MEF2C: variants seen among roughly 807,000 people sequenced by gnomAD.
MEF2C encodes myocyte enhancer factor 2C.
A neutral mutation model predicts 50.5 loss-of-function variants in MEF2C; 6 were observed. The observed-to-expected ratio is 0.12, with a 90% CI of 0.07 to 0.23. The LOEUF (loss-of-function observed/expected upper bound fraction) is 0.23. MEF2C is among the 10% of genes least tolerant of loss of function. The pLI, the probability that MEF2C is intolerant of heterozygous loss-of-function variation, is 1.00. For synonymous variants in MEF2C, 183 were observed against 228.0 expected (o/e 0.80, Z 1.78); for missense variants, 276 against 605.0 (o/e 0.46, Z 5.70).
intron 3 of MEF2C, among the ~76,000 whole-genome samples, chr5:88,767,079 C>T (rs1325899894): frequency 6.6e-6 from 1 of 152,234 alleles, no homozygotes; most frequent in Non-Finnish European, 1.5e-5. Flanking sequence ...ACTCACGCTG[C>T]TGCTGTTTCC....
At chr5:88,840,644 C>T (rs921462289) in intron 1 of MEF2C, among the ~76,000 whole-genome samples, 9 of 151,224 alleles carry the variant, frequency 6.0e-5, no homozygotes, top group Admixed American at 2.0e-4. Context: ...TTTTTTTTCT[C>T]CTTGGCTTCA....
chr5:88,833,982 G>A (rs1331193201), intron 1 of MEF2C, among the ~76,000 whole-genome samples: 1 of 152,054 alleles, frequency 6.6e-6, no homozygotes, highest in Non-Finnish European at 1.5e-5. Context: ...TGGCCTTCAG[G>A]ATGCACTTTG....
intron 1 of MEF2C, among the ~76,000 whole-genome samples, chr5:88,862,848 A>G (rs1396867629): frequency 1.3e-5 from 2 of 152,178 alleles, no homozygotes; most frequent in African/African-American, 4.8e-5. Flanking sequence ...CATACCAGAG[A>G]ATGGAAAGAA....
At chr5:88,723,828 T>C (rs1273758079) in intron 10 of MEF2C, among the ~76,000 whole-genome samples, 1 of 152,236 alleles carries the variant, frequency 6.6e-6, no homozygotes, top group African/African-American at 2.4e-5. Context: ...GTGATTTTAC[T>C]GTGTTTATAA....
intron 4 of MEF2C, among the ~76,000 whole-genome samples, chr5:88,753,907 A>T (rs966326520): frequency 6.6e-6 from 1 of 152,246 alleles, no homozygotes; most frequent in African/African-American, 2.4e-5. Flanking sequence ...CATATGCTGT[A>T]AAGTCGAAGT....
At chr5:88,870,657 T>C (rs1187623651) in intron 1 of MEF2C, among the ~76,000 whole-genome samples, 5 of 152,092 alleles carry the variant, frequency 3.3e-5, no homozygotes, top group Admixed American at 3.3e-4. Context: ...TAAAAATGTG[T>C]TTTAAAGGAG....
At position 88,872,966 on chromosome 5, in the gene MEF2C, ATCT is replaced by A. The variant is rs1348240839; in HGVS notation, c.-143+9986_-143+9988del. On this transcript the variant is annotated intron_variant, in intron 1 of 10. Coordinates refer to ENST00000504921, the MANE Select transcript of MEF2C (RefSeq NM_002397.5). ...CAAACTCTTTATGCTTGTTTAAACG[ATCT>A]TCTCTCTCGAGAGTGTATCTTCATC... Among the ~76,000 whole-genome samples the A allele has an allele frequency of 3.3e-5, 5 of 151,918 alleles. No individual in the cohort carries two copies. The South Asian group carries it at 6.2e-4, about 19-fold the overall frequency.
intron 3 of MEF2C, among the ~76,000 whole-genome samples, chr5:88,778,763 T>C (rs1786197891): frequency 6.6e-6 from 1 of 152,244 alleles, no homozygotes; most frequent in Non-Finnish European, 1.5e-5. Flanking sequence ...GAAGACACAG[T>C]AAGATGTGAT....
At chr5:88,853,769 G>T (rs1337134127) in intron 1 of MEF2C, among the ~76,000 whole-genome samples, 1 of 152,092 alleles carries the variant, frequency 6.6e-6, no homozygotes, top group Non-Finnish European at 1.5e-5. Context: ...ATATTTACAG[G>T]AATAAGCGAT....
Position 88,746,701 on chromosome 5 carries a change from G to A in MEF2C, c.637+2369C>T, listed in dbSNP as rs1039065351. 39 of 985,108 alleles carry A rather than the reference G, an allele frequency of 4.0e-5. No individual in the cohort carries two copies. The African/African-American group carries it at 5.1e-4, about 13-fold the overall frequency. The allele number at this position is 985,108 out of a possible 1,614,324, so 61.0% of individuals were successfully genotyped here. A position where few individuals can be genotyped will look rare whatever the true frequency, so the allele number is the denominator to read the frequency against. ...TTATGTGATTCTCTGACATCAGCAC[G>A]GATATATTCAGCCTGACATATGATA... On this transcript the variant is annotated intron_variant, in intron 6 of 10. Coordinates refer to ENST00000504921, the MANE Select transcript of MEF2C (RefSeq NM_002397.5).
intron 1 of MEF2C, among the ~76,000 whole-genome samples, chr5:88,877,317 A>G (rs1831377027): frequency 6.6e-6 from 1 of 152,046 alleles, no homozygotes; most frequent in African/African-American, 2.4e-5. Context: ...CTTGTACAAT[A>G]AAATGACAAT....
intron 3 of MEF2C, among the ~76,000 whole-genome samples, chr5:88,762,630 T>A (rs1778375156): frequency 6.6e-6 from 1 of 152,180 alleles, no homozygotes; most frequent in Non-Finnish European, 1.5e-5. Context: ...CAATTCGATT[T>A]ACAGAGATAA....
chr5:88,735,033 A>C, intron 6 of MEF2C: 1 of 985,388 alleles, frequency 1.0e-6, no homozygotes, highest in Non-Finnish European at 1.2e-6. Flanking sequence ...TCCAGCCACC[A>C]AATTGTTATT....
intron 2 of MEF2C, among the ~76,000 whole-genome samples, chr5:88,812,564 C>CT (rs1485093548): frequency 1.3e-5 from 2 of 151,960 alleles, no homozygotes; most frequent in Admixed American, 1.3e-4. Context: ...TATCAGATTT[C>CT]TTATATTATT....
At chr5:88,870,540 G>A (rs536124279) in intron 1 of MEF2C, among the ~76,000 whole-genome samples, 8 of 151,898 alleles carry the variant, frequency 5.3e-5, no homozygotes, top group Non-Finnish European at 1.2e-4. Context: ...AATAAAAAAT[G>A]GAGAAAAAAA....
At chr5:88,727,741 T>C (rs1031604964) in intron 10 of MEF2C, among the ~76,000 whole-genome samples, 1 of 152,124 alleles carries the variant, frequency 6.6e-6, no homozygotes, top group Non-Finnish European at 1.5e-5. Context: ...AAATTTACAG[T>C]CAGGCTTTCA....
intron 1 of MEF2C, among the ~76,000 whole-genome samples, chr5:88,873,001 T>C (rs978279671): frequency 1.3e-5 from 2 of 151,970 alleles, no homozygotes; most frequent in Non-Finnish European, 2.9e-5. Context: ...CATCCTTTCA[T>C]GCTTTTTCTC....
intron 4 of MEF2C, among the ~76,000 whole-genome samples, chr5:88,753,623 G>A (rs957578572): frequency 2.0e-5 from 3 of 152,050 alleles, no homozygotes; most frequent in African/African-American, 4.8e-5. Context: ...ACTCCTGAGC[G>A]CAGGTGATCC....
intron 1 of MEF2C, among the ~76,000 whole-genome samples, chr5:88,873,800 T>G (rs182757531): frequency 1.4e-3 from 204 of 150,566 alleles, no homozygotes; most frequent in Non-Finnish European, 1.8e-3. Flanking sequence ...TCAAAATTAT[T>G]TACTTTAACT....
Sources: allele counts gnomAD v4.1 joint callset (sites outside exome capture counted in the v4.1 genomes callset), GRCh38; gene constraint gnomAD v4.1.1; transcripts MANE v1.5; gene names NCBI Gene and HGNC (gene_info 2026-07-23, HGNC 2026-07-21).